The following TCF12 variants were observed in gnomAD, a reference collection of about 807,000 sequenced individuals.
The protein encoded by TCF12 is transcription factor 12.
In TCF12, 45 loss-of-function variants were observed where a neutral mutation model predicts 86.0. That is an observed-to-expected ratio of 0.52 (90% CI 0.41 to 0.67). The LOEUF (loss-of-function observed/expected upper bound fraction) is 0.67. Ranked by LOEUF, TCF12 falls within the 30% of genes least tolerant of loss-of-function variation. The probability of loss-of-function intolerance (pLI) is 0.00; values close to 1 mark genes in which losing one functional copy is unlikely to be tolerated. For synonymous variants in TCF12, 330 were observed against 299.6 expected (o/e 1.10, Z -1.05); for missense variants, 881 against 859.9 (o/e 1.02, Z -0.31).
At chr15:57,119,645 C>T (rs1334528073) in intron 5 of TCF12, among the ~76,000 whole-genome samples, 1 of 151,884 alleles carries the variant, frequency 6.6e-6, no homozygotes, top group African/African-American at 2.4e-5. Context: ...CAACAGCCCT[C>T]ACTCCATATG....
At chr15:57,284,268 G>C (rs1225758835) in intron 20 of TCF12, among the ~76,000 whole-genome samples, 2 of 152,074 alleles carry the variant, frequency 1.3e-5, no homozygotes, top group African/African-American at 4.8e-5. Context: ...GCAATGGTGT[G>C]ATCATCTCGG....
intron 3 of TCF12, among the ~76,000 whole-genome samples, chr15:56,969,624 A>C (rs1398821391): frequency 7.1e-6 from 1 of 141,650 alleles, no homozygotes; most frequent in African/African-American, 2.7e-5. Flanking sequence ...TGCAGCCTCC[A>C]CCTCCTGGCT....
At chr15:57,114,386 G>A (rs542506681) in intron 5 of TCF12, among the ~76,000 whole-genome samples, 6 of 152,130 alleles carry the variant, frequency 3.9e-5, no homozygotes, top group Admixed American at 6.6e-5. Flanking sequence ...GGCCTCCTGC[G>A]CTCAAATGAT....
intron 3 of TCF12, among the ~76,000 whole-genome samples, chr15:57,031,701 C>G (rs547843095): frequency 6.6e-6 from 1 of 152,282 alleles, no homozygotes; most frequent in East Asian, 1.9e-4. Context: ...TTCAGTACAG[C>G]CAGAAACCTA....
intron 8 of TCF12, chr15:57,219,103 T>A (rs2058458208): frequency 1.9e-6 from 2 of 1,059,352 alleles, no homozygotes; most frequent in Non-Finnish European, 2.3e-6. Context: ...CCACAAGTGC[T>A]CTAATTTAAT....
chr15:57,221,663 T>A, intron 8 of TCF12, among the ~76,000 whole-genome samples: 1 of 152,096 alleles, frequency 6.6e-6, no homozygotes, highest in East Asian at 1.9e-4. Context: ...GTGACTTTTA[T>A]GTTCTGGAAA....
At chr15:57,133,937 A>G (rs1391810239) in intron 5 of TCF12, among the ~76,000 whole-genome samples, 1 of 152,182 alleles carries the variant, frequency 6.6e-6, no homozygotes, top group African/African-American at 2.4e-5. Flanking sequence ...TTGTTTTGAT[A>G]TGCCACTTGA....
At chr15:57,108,862 C>T (rs1403201925) in intron 5 of TCF12, among the ~76,000 whole-genome samples, 1 of 152,064 alleles carries the variant, frequency 6.6e-6, no homozygotes, top group Non-Finnish European at 1.5e-5. Flanking sequence ...ATACTTTCCT[C>T]TGTGTTGTCA....
intron 6 of TCF12, among the ~76,000 whole-genome samples, chr15:57,170,697 T>TAATA (rs1491363606): frequency 2.4e-4 from 7 of 29,676 alleles, no homozygotes; most frequent in Admixed American, 4.8e-4. Flanking sequence ...ATAATATATA[T>TAATA]TATATATAAT....
chr15:56,962,652 A>G (rs1182639433), intron 3 of TCF12, among the ~76,000 whole-genome samples: 2 of 152,194 alleles, frequency 1.3e-5, no homozygotes, highest in African/African-American at 2.4e-5. Flanking sequence ...GATGTAACCT[A>G]CTTAGGCCTC....
intron 3 of TCF12, among the ~76,000 whole-genome samples, chr15:57,003,381 A>G (rs72749499): frequency 0.053 from 7,999 of 152,304 alleles, 304 homozygotes; most frequent in South Asian, 0.13. Context: ...ATTCATTAAC[A>G]TTGAGCTCAC....
Position 57,272,696 on chromosome 15 carries a change from T to C in TCF12, c.1746-334T>C, listed in dbSNP as rs545917182. ...TCCCAGTAATGCTGATGCTGCTGAT[T>C]TGTGGATCACATTTTGTGTAGCAAG... On this transcript the variant is annotated intron_variant, in intron 18 of 20. Coordinates refer to ENST00000333725, the MANE Select transcript of TCF12 (RefSeq NM_207037.2). Among the ~76,000 whole-genome samples, 12 of 152,352 alleles carry C rather than the reference T, an allele frequency of 7.9e-5. No homozygotes were observed. The South Asian group carries it at 2.3e-3, about 29-fold the overall frequency.
chr15:57,053,766 T>C (rs2067798249), intron 3 of TCF12, among the ~76,000 whole-genome samples: 1 of 152,200 alleles, frequency 6.6e-6, no homozygotes. Context: ...GTATCTATCA[T>C]TTGGCCCTTT....
At chr15:57,107,428 GAGA>G (rs1318067558) in intron 5 of TCF12, among the ~76,000 whole-genome samples, 1 of 152,172 alleles carries the variant, frequency 6.6e-6, no homozygotes, top group Non-Finnish European at 1.5e-5. Flanking sequence ...GGACTTAAGG[GAGA>G]AGGAGAGATG....
intron 6 of TCF12, among the ~76,000 whole-genome samples, chr15:57,178,201 C>T (rs1422704177): frequency 2.6e-5 from 4 of 152,002 alleles, no homozygotes; most frequent in South Asian, 4.2e-4. Flanking sequence ...CAAATGAAGC[C>T]GGAACAACAG....
At chr15:57,008,698 C>T (rs1299580460) in intron 3 of TCF12, among the ~76,000 whole-genome samples, 1 of 152,188 alleles carries the variant, frequency 6.6e-6, no homozygotes, top group Non-Finnish European at 1.5e-5. Context: ...GTTTTCATCT[C>T]TACAGTCATT....
At chr15:57,019,576 C>T (rs1464442237) in intron 3 of TCF12, among the ~76,000 whole-genome samples, 6 of 152,138 alleles carry the variant, frequency 3.9e-5, no homozygotes, top group Non-Finnish European at 7.4e-5. Flanking sequence ...TATAGGGGTA[C>T]GGAAAAACGG....
chr15:57,166,698 A>G (rs1235035991), intron 6 of TCF12, among the ~76,000 whole-genome samples: 1 of 152,228 alleles, frequency 6.6e-6, no homozygotes, highest in African/African-American at 2.4e-5. Flanking sequence ...ACTGGAAACA[A>G]AGCTACCGCT....
At chr15:57,200,597 T>A (rs1193890660) in intron 8 of TCF12, among the ~76,000 whole-genome samples, 2 of 152,220 alleles carry the variant, frequency 1.3e-5, no homozygotes, top group Non-Finnish European at 2.9e-5. Flanking sequence ...TATATGTGAC[T>A]TTTTCTAAAG....
Sources: gnomAD v4.1 joint callset for allele counts (sites outside exome capture counted in the v4.1 genomes callset) on GRCh38, gnomAD v4.1.1 for gene constraint, MANE v1.5 for transcripts, NCBI Gene and HGNC (gene_info 2026-07-23, HGNC 2026-07-21) for gene names.